Variants in TULP4 observed in about 807,000 individuals in gnomAD.
TULP4 encodes the protein TUB like protein 4, also known as tubby-related protein 4.
A neutral mutation model predicts 129.0 loss-of-function variants in TULP4; 16 were observed. The ratio of observed to expected loss-of-function variants is 0.12; its 90% CI spans 0.08 to 0.19. The LOEUF (loss-of-function observed/expected upper bound fraction) is 0.19, where lower values mean the gene tolerates loss of function less well. Ranked by LOEUF, TULP4 falls within the 10% of genes least tolerant of loss-of-function variation. The pLI is 1.00. For synonymous variants in TULP4, 998 were observed against 854.0 expected (o/e 1.17, Z -2.94); for missense variants, 1,842 against 2,059.1 (o/e 0.89, Z 2.04).
intron 3 of TULP4, among the ~76,000 whole-genome samples, chr6:158,446,873 G>A (rs561528692): frequency 6.6e-6 from 1 of 152,246 alleles, no homozygotes; most frequent in South Asian, 2.1e-4. Flanking sequence ...TCTTATATGG[G>A]CGCTAATCCT....
intron 3 of TULP4, among the ~76,000 whole-genome samples, chr6:158,441,959 A>T (rs1398467472): frequency 1.3e-5 from 2 of 152,212 alleles, no homozygotes; most frequent in African/African-American, 4.8e-5. Flanking sequence ...AGCTCCAGTT[A>T]GTAAAGCCAG....
chr6:158,497,236 G>A (rs1453374124), intron 11 of TULP4, among the ~76,000 whole-genome samples: 2 of 152,146 alleles, frequency 1.3e-5, no homozygotes, highest in African/African-American at 4.8e-5. Context: ...ATTAATACTA[G>A]AGAACAGAAA....
chr6:158,385,489 G>T (rs150147344), intron 1 of TULP4, among the ~76,000 whole-genome samples: 1 of 152,066 alleles, frequency 6.6e-6, no homozygotes, highest in African/African-American at 2.4e-5. Context: ...GAATAAATGC[G>T]TCACCTTTGT....
intron 1 of TULP4, among the ~76,000 whole-genome samples, chr6:158,275,030 A>T (rs1778619204): frequency 6.6e-6 from 1 of 152,286 alleles, no homozygotes; most frequent in East Asian, 1.9e-4. Flanking sequence ...GAAAGAAATA[A>T]GTAAGAAATA....
At chr6:158,348,833 A>ATG (rs1780387145) in intron 1 of TULP4, among the ~76,000 whole-genome samples, 1 of 91,488 alleles carries the variant, frequency 1.1e-5, no homozygotes, top group African/African-American at 4.3e-5. Flanking sequence ...TCCCAGACAA[A>ATG]GGGCGGCCGG....
In TULP4 at chr6:158,503,529, A is replaced by G; in HGVS notation, c.3866A>G (p.Lys1289Arg). ...LPPKPHLVVE[K>R]PLVSPPPADL... ...CCAAAGCCACACTTGGTGGTGGAGA[A>G]GCCCCTTGTGTCCCCACCACCTGCC... The change falls in exon 13 of 14, where the codon AAG becomes AGG. Residue 1289 changes from lysine to arginine, a missense_variant. Physicochemically the swap from Lys to Arg is conservative, Grantham distance 26. This residue lies in a region of TULP4 where 1,089 missense variants were observed against 987.1 expected (regional missense o/e 1.10). Transcript: ENST00000367097. This position sits in a 1 kb window ranked among gnomAD's most constrained non-coding sequence, Gnocchi z 4.3. The G allele has an allele frequency of 6.2e-7, 1 of 1,613,958 alleles. No individual in the cohort carries two copies. Among genetic ancestry groups the G allele is most frequent in the African/African-American group, 1.3e-5 (1 of 75,034 alleles).
At position 158,506,878 on chromosome 6, in the gene TULP4, A is replaced by G; in HGVS notation, c.*184A>G. 1 of 582,540 alleles carries G rather than the reference A, an allele frequency of 1.7e-6. No individual in the cohort carries two copies. The highest frequency in any genetic ancestry group is 2.9e-5 in the East Asian group (1 of 34,912). 36.1% of individuals were successfully genotyped at this position (582,540 alleles called of 1,614,324 possible). On this transcript the variant is annotated 3_prime_UTR_variant, in exon 14 of 14. Coordinates refer to ENST00000367097, the MANE Select transcript of TULP4 (RefSeq NM_020245.5). ...GTCGTCATTTATTTGGTTGGGTTTTATTACCTTTTATTGTCTGTTCTTCTT... is the reference window on the plus strand; with the variant it reads ...GTCGTCATTTATTTGGTTGGGTTTTGTTACCTTTTATTGTCTGTTCTTCTT...
At chr6:158,434,429 G>A (rs1260118818) in intron 3 of TULP4, among the ~76,000 whole-genome samples, 4 of 152,176 alleles carry the variant, frequency 2.6e-5, no homozygotes, top group Admixed American at 2.6e-4. Flanking sequence ...ATAAATATAA[G>A]TATGACTGGG....
chr6:158,298,790 A>G (rs1368764849), intron 1 of TULP4, among the ~76,000 whole-genome samples: 1 of 152,202 alleles, frequency 6.6e-6, no homozygotes, highest in East Asian at 1.9e-4. Context: ...CTACGTTGAT[A>G]CTGAGGGAGA....
intron 1 of TULP4, among the ~76,000 whole-genome samples, chr6:158,251,002 C>G (rs562797450): frequency 3.3e-5 from 5 of 152,192 alleles, no homozygotes; most frequent in Non-Finnish European, 7.4e-5. Flanking sequence ...TGGTTTCGCT[C>G]CTTTGGTGTT....
chr6:158,257,908 T>G (rs1036203354), intron 1 of TULP4, among the ~76,000 whole-genome samples: 2 of 152,208 alleles, frequency 1.3e-5, no homozygotes, highest in Non-Finnish European at 2.9e-5. Context: ...AAAGTTGCTG[T>G]GGAGCGCTGC....
At chr6:158,399,546 T>C (rs78450891) in intron 1 of TULP4, among the ~76,000 whole-genome samples, 2,143 of 152,308 alleles carry the variant, frequency 0.014, 21 homozygotes, top group Non-Finnish European at 0.021. Context: ...ATCAGTGAAG[T>C]GTACTTACTG....
intron 1 of TULP4, among the ~76,000 whole-genome samples, chr6:158,387,320 T>C (rs1291617764): frequency 6.6e-6 from 1 of 152,186 alleles, no homozygotes; most frequent in Non-Finnish European, 1.5e-5. Context: ...CCCGTATATC[T>C]ATCTTAAAAT....
chr6:158,502,767 A>G lies in TULP4; in HGVS notation c.3104A>G (p.Tyr1035Cys). 6.2e-7 allele frequency: 1 copy of G among 1,604,366 alleles called. No individual in the cohort carries two copies. The highest frequency in any genetic ancestry group is 1.1e-5 in the South Asian group (1 of 90,830). The stretch of plus-strand genomic sequence containing the variant: ...CCAGCGCGGCCCCCACCTGCCCTGT[A>G]CACCTGCAGTCAGTGCAGTGGCACA... ...QLPARPPPAL[Y>C]TCSQCSGTGP... The change falls in exon 13 of 14, where the codon TAC becomes TGC. Residue 1035 changes from tyrosine (Y) to cysteine (C), a missense_variant. By Grantham distance (194) the Tyr-to-Cys change is radical (BLOSUM62 -2). Coordinates refer to ENST00000367097, the MANE Select transcript of TULP4 (RefSeq NM_020245.5).
chr6:158,330,420 T>C (rs1779850461), intron 1 of TULP4, among the ~76,000 whole-genome samples: 1 of 152,252 alleles, frequency 6.6e-6, no homozygotes, highest in Non-Finnish European at 1.5e-5. Flanking sequence ...ATACTCTTAC[T>C]CAAATTCAGC....
At position 158,440,054 on chromosome 6, in the gene TULP4, G is replaced by A. The variant is rs117836022; in HGVS notation, c.544-8942G>A. ...AAAAAAAATAAATCTGACCTGGCGCGGTGGCTCACACCTCTAATTCCAGCA... is the reference window on the plus strand; with the variant it reads ...AAAAAAAATAAATCTGACCTGGCGCAGTGGCTCACACCTCTAATTCCAGCA... On this transcript the variant is annotated intron_variant, in intron 3 of 13. Coordinates refer to ENST00000367097, the MANE Select transcript of TULP4 (RefSeq NM_020245.5). Among the ~76,000 whole-genome samples the A allele has an allele frequency of 3.1e-3, 477 of 151,630 alleles. 1 individual carries two copies. The highest frequency in any genetic ancestry group is 4.9e-3 in the Non-Finnish European group (330 of 67,884).
At chr6:158,443,333 T>G (rs1285178769) in intron 3 of TULP4, among the ~76,000 whole-genome samples, 1 of 151,884 alleles carries the variant, frequency 6.6e-6, no homozygotes, top group African/African-American at 2.4e-5. Context: ...ACCGGGCTGG[T>G]TTTGAACTCC....
chr6:158,238,412 ATTGTTT>A (rs1249094173), intron 1 of TULP4: 57 of 424,866 alleles, frequency 1.3e-4, no homozygotes, highest in South Asian at 5.4e-4. Flanking sequence ...GCCTTGTTAA[ATTGTTT>A]TTTTTTTTTT....
chr6:158,374,018 AGTTGG>A (rs1777128984), intron 1 of TULP4, among the ~76,000 whole-genome samples: 1 of 152,218 alleles, frequency 6.6e-6, no homozygotes, highest in Non-Finnish European at 1.5e-5. Context: ...ATGTCCTGCT[AGTTGG>A]AAATCTTGAT....
Sources: gnomAD v4.1 joint callset for allele counts (sites outside exome capture counted in the v4.1 genomes callset) on GRCh38, gnomAD v4.1.1 for gene constraint, gnomAD v4.1.1 regional missense constraint, Gnocchi (gnomAD v3.1) non-coding constraint, MANE v1.5 for transcripts, NCBI Gene and HGNC (gene_info 2026-07-23, HGNC 2026-07-21) for gene names.